The following FHIT variants were observed in gnomAD, a reference collection of about 807,000 sequenced individuals.
The protein encoded by FHIT is bis(5'-adenosyl)-triphosphatase.
A neutral mutation model predicts 17.9 loss-of-function variants in FHIT; 19 were observed. The ratio of observed to expected loss-of-function variants is 1.06; its 90% confidence interval spans 0.74 to 1.56. The LOEUF (loss-of-function observed/expected upper bound fraction) is 1.56, where lower values mean the gene tolerates loss of function less well. Among genes scored for constraint, FHIT ranks in the 40% most tolerant of loss-of-function variants. FHIT has a pLI of 0.00. For missense variants in FHIT, 248 were observed against 189.2 expected (o/e 1.31, Z -1.82); for synonymous variants, 81 against 69.7 (o/e 1.16, Z -0.81).
intron 2 of FHIT, among the ~76,000 whole-genome samples, chr3:61,086,034 T>A (rs1267966875): frequency 1.3e-5 from 2 of 152,186 alleles, no homozygotes; most frequent in African/African-American, 4.8e-5. Flanking sequence ...TAAATTTACA[T>A]AATTATATGT....
intron 1 of FHIT, among the ~76,000 whole-genome samples, chr3:61,205,271 A>G (rs986020143): frequency 1.1e-4 from 17 of 152,150 alleles, no homozygotes; most frequent in Middle Eastern, 3.4e-3. Context: ...GAATAGTGCC[A>G]CAATAAACAT....
chr3:60,765,606 T>C (rs1337730906), intron 4 of FHIT: 1 of 152,150 alleles, frequency 6.6e-6, no homozygotes, highest in Non-Finnish European at 1.5e-5. Context: ...AGGAAGTTCT[T>C]TACAGGTTTA....
At chr3:60,750,524 G>A (rs1384355916) in intron 4 of FHIT, among the ~76,000 whole-genome samples, 1 of 152,152 alleles carries the variant, frequency 6.6e-6, no homozygotes, top group Non-Finnish European at 1.5e-5. Context: ...AAGATCTGAT[G>A]GTTTTTAAAA....
At chr3:60,970,642 AAT>A (rs2107528299) in intron 3 of FHIT, among the ~76,000 whole-genome samples, 1 of 152,232 alleles carries the variant, frequency 6.6e-6, no homozygotes, top group Admixed American at 6.5e-5. Context: ...TGGAAATGAA[AAT>A]ATGATTTCTT....
chr3:60,014,152 T>C lies in FHIT; in HGVS notation c.104A>G (p.His35Arg), dbSNP rs1340888675. ...TGGCCGCAGCGGGCACACAAGGACATCTGTAGCAAGGTCTGTTAAGGCCCA... is the reference window on the plus strand; with the variant it reads ...TGGCCGCAGCGGGCACACAAGGACACCTGTAGCAAGGTCTGTTAAGGCCCA... ...LVNRKPVVPG[H>R]VLVCPLRPVE... is the part of the protein sequence containing the mutation. Residue 35 changes from histidine to arginine, a missense_variant and splice_region_variant, in exon 6 of 10, where the codon CAT (histidine) becomes CGT (arginine). Coordinates refer to ENST00000492590, the MANE Select transcript of FHIT (RefSeq NM_002012.4). 4 of 1,613,944 alleles carry C rather than the reference T, an allele frequency of 2.5e-6. No homozygotes were observed. Among genetic ancestry groups the C allele is most frequent in the East Asian group, 2.2e-5 (1 of 44,834 alleles).
chr3:60,592,421 C>T (rs1247795334), intron 4 of FHIT, among the ~76,000 whole-genome samples: 1 of 151,950 alleles, frequency 6.6e-6, no homozygotes. Flanking sequence ...CTTAAGCAGA[C>T]ATGGTCTAAT....
At chr3:60,228,251 T>G (rs1231270704) in intron 5 of FHIT, among the ~76,000 whole-genome samples, 2 of 152,150 alleles carry the variant, frequency 1.3e-5, no homozygotes, top group African/African-American at 4.8e-5. Flanking sequence ...ATGTCCAGAA[T>G]AGACAAATCC....
chr3:60,355,883 T>C (rs1359209293), intron 5 of FHIT, among the ~76,000 whole-genome samples: 1 of 152,170 alleles, frequency 6.6e-6, no homozygotes, highest in Non-Finnish European at 1.5e-5. Flanking sequence ...TTCCATTTAG[T>C]GAAAATTGTT....
intron 4 of FHIT, among the ~76,000 whole-genome samples, chr3:60,548,799 G>C (rs1216210216): frequency 1.3e-5 from 2 of 152,110 alleles, no homozygotes; most frequent in Admixed American, 6.5e-5. Flanking sequence ...TTTAAAACTA[G>C]GTCTATTAAG....
chr3:60,969,922 T>G (rs760655023), intron 3 of FHIT, among the ~76,000 whole-genome samples: 1 of 152,196 alleles, frequency 6.6e-6, no homozygotes, highest in Non-Finnish European at 1.5e-5. Flanking sequence ...TGGAGTGCAG[T>G]GGCATGATCA....
intron 5 of FHIT, among the ~76,000 whole-genome samples, chr3:60,488,615 C>A (rs540747872): frequency 1.1e-4 from 17 of 152,066 alleles, no homozygotes; most frequent in Non-Finnish European, 2.1e-4. Flanking sequence ...ATTCTCAGAG[C>A]AATAGCTATG....
intron 3 of FHIT, among the ~76,000 whole-genome samples, chr3:60,865,575 C>T (rs1310982433): frequency 6.6e-6 from 1 of 152,044 alleles, no homozygotes; most frequent in Non-Finnish European, 1.5e-5. Context: ...TTTCATTCCT[C>T]TTAGTATGAA....
In FHIT at chr3:60,195,393, G is replaced by A. The variant is rs745711824; in HGVS notation, c.104-181241C>T. Among the ~76,000 whole-genome samples, 234 of 151,496 alleles carry A rather than the reference G, an allele frequency of 1.5e-3. 1 individual carries two copies. Among genetic ancestry groups the A allele is most frequent in the Middle Eastern group, 6.8e-3 (2 of 292 alleles). On this transcript the variant is annotated intron_variant, in intron 5 of 9. Coordinates refer to ENST00000492590, the MANE Select transcript of FHIT (RefSeq NM_002012.4). Reference sequence around the variant, plus strand: ...AAGTTGACCTACCATTCTATCTTGCGATCCCAATACTGGGTTTCTACCGAA... The same window carrying A: ...AAGTTGACCTACCATTCTATCTTGCAATCCCAATACTGGGTTTCTACCGAA...
intron 3 of FHIT, among the ~76,000 whole-genome samples, chr3:60,933,789 C>T (rs1241969221): frequency 6.6e-6 from 1 of 152,104 alleles, no homozygotes; most frequent in East Asian, 1.9e-4. Flanking sequence ...AGAAAGGTGC[C>T]CTCCTTTCTT....
At chr3:59,908,817 C>T (rs1704706771) in intron 8 of FHIT, among the ~76,000 whole-genome samples, 1 of 152,020 alleles carries the variant, frequency 6.6e-6, no homozygotes, top group South Asian at 2.1e-4. Context: ...AGAAATTCAA[C>T]TGAACTTTGG....
At chr3:61,011,815 G>A (rs1266354822) in intron 3 of FHIT, among the ~76,000 whole-genome samples, 1 of 152,134 alleles carries the variant, frequency 6.6e-6, no homozygotes, top group Non-Finnish European at 1.5e-5. Context: ...TGGCGATGGT[G>A]TCTTATTTCT....
At chr3:60,221,971 C>T (rs895317774) in intron 5 of FHIT, among the ~76,000 whole-genome samples, 10 of 151,996 alleles carry the variant, frequency 6.6e-5, no homozygotes, top group Non-Finnish European at 1.0e-4. Context: ...CACAGAAATT[C>T]GCATTCCATT....
chr3:60,312,242 C>A (rs1228071333), intron 5 of FHIT, among the ~76,000 whole-genome samples: 1 of 152,066 alleles, frequency 6.6e-6, no homozygotes, highest in African/African-American at 2.4e-5. Flanking sequence ...CTCAAGCAAT[C>A]CTCCTGCCTT....
rs1575597775 is a variant in FHIT, at chr3:59,751,293, T to C, written c.*5+928A>G. 5.6e-5 allele frequency: 10 copies of C among 178,852 alleles called. No individual in the cohort carries two copies. In the East Asian group the frequency reaches 9.4e-4, roughly 17 times the overall value. 11.1% of individuals were successfully genotyped at this position (178,852 alleles called of 1,614,324 possible). ...TCTTGCTCTGTCACCCAGGCTGGAA[T>C]GCAGTGGCATGATCTCAGCTCACTG... On this transcript the variant is annotated intron_variant, in intron 9 of 9. Coordinates refer to ENST00000492590, the MANE Select transcript of FHIT (RefSeq NM_002012.4).
Sources: allele counts gnomAD v4.1 joint callset (sites outside exome capture counted in the v4.1 genomes callset), GRCh38; gene constraint gnomAD v4.1.1; transcripts MANE v1.5; gene names NCBI Gene and HGNC (gene_info 2026-07-23, HGNC 2026-07-21).